LCOR: variants seen among roughly 807,000 people sequenced by gnomAD.
The protein encoded by LCOR is ligand dependent nuclear receptor corepressor, also known as ligand-dependent corepressor.
In LCOR, 14 loss-of-function variants were observed where a neutral mutation model predicts 64.4. The ratio of observed to expected loss-of-function variants is 0.22; its 90% confidence interval spans 0.14 to 0.34. The LOEUF (loss-of-function observed/expected upper bound fraction) is 0.34. LCOR is among the 10% of genes least tolerant of loss of function. The pLI is 1.00. For missense variants in LCOR, 1,686 were observed against 1,765.3 expected (o/e 0.96, Z 0.80); for synonymous variants, 643 against 642.5 (o/e 1.00, Z -0.01).
chr10:96,895,946 G>A (rs115593627), intron 2 of LCOR, among the ~76,000 whole-genome samples: 2 of 152,122 alleles, frequency 1.3e-5, no homozygotes, highest in Non-Finnish European at 2.9e-5. Context: ...ACTAGCTGTT[G>A]TGATGCATGC....
At chr10:96,859,304 G>A (rs753303816) in intron 2 of LCOR, among the ~76,000 whole-genome samples, 10 of 152,156 alleles carry the variant, frequency 6.6e-5, no homozygotes, top group Non-Finnish European at 1.5e-4. Context: ...TAGCGTCCCG[G>A]GTTCAAGCAA....
chr10:96,984,210 T>C lies in LCOR; in HGVS notation c.3750T>C (p.Asn1250=). 1 of 1,614,024 alleles carries C rather than the reference T, an allele frequency of 6.2e-7. No individual in the cohort carries two copies. The highest frequency in any genetic ancestry group is 2.2e-5 in the East Asian group (1 of 44,874). Residue 1250 remains asparagine, a synonymous_variant, in exon 8 of 8, where the codon AAT becomes AAC. Transcript: ENST00000421806. ...TTCCTGGAGCTACCCCTGCTAAGAATAATTGGAAAATGCAGAAGCTCTGGG... is the reference window on the plus strand; with the variant it reads ...TTCCTGGAGCTACCCCTGCTAAGAACAATTGGAAAATGCAGAAGCTCTGGG... ...KKFPGATPAK[N]NWKMQKLWAK...
chr10:96,907,600 AAATT>A (rs1167196665), intron 3 of LCOR, 64 bp from the exon 4 acceptor site: 18 of 625,304 alleles, frequency 2.9e-5, no homozygotes, highest in African/African-American at 1.2e-4. Context: ...AATATTTTTG[AAATT>A]AATTCTAATT....
chr10:96,933,455 G>A (rs943663102), intron 4 of LCOR, among the ~76,000 whole-genome samples: 5 of 152,122 alleles, frequency 3.3e-5, no homozygotes, highest in African/African-American at 4.8e-5. Context: ...AAAGACAAAA[G>A]AACACAAGTC....
chr10:96,881,693 G>A (rs1258504905), intron 2 of LCOR, among the ~76,000 whole-genome samples: 1 of 152,132 alleles, frequency 6.6e-6, no homozygotes, highest in African/African-American at 2.4e-5. Flanking sequence ...CTGTCCTCAG[G>A]TGATCCACCC....
Position 96,877,902 on chromosome 10 carries a change from C to T in LCOR, c.-329-29363C>T, listed in dbSNP as rs185478041. On this transcript the variant is annotated intron_variant, in intron 2 of 7. Transcript: ENST00000421806. The stretch of plus-strand genomic sequence containing the variant: ...TTGGGATTACAGGCGTGAGCCACTG[C>T]GCCCGACCTGAAAATTTATAATAGG... 3.3e-4 allele frequency among the ~76,000 whole-genome samples: 51 copies of T among 152,242 alleles called. No individual in the cohort carries two copies. The East Asian group carries it at 9.7e-3, about 29-fold the overall frequency.
chr10:96,962,595 A>G (rs528241754), intron 7 of LCOR: 1 of 152,260 alleles, frequency 6.6e-6, no homozygotes, highest in South Asian at 2.1e-4. Flanking sequence ...GTCTAATCCT[A>G]TATTACTAGT....
intron 1 of LCOR, chr10:96,833,163 G>T: frequency 1.0e-6 from 1 of 985,476 alleles, no homozygotes. Context: ...GGAGGAGGGG[G>T]TGGGACCGGG....
intron 2 of LCOR, among the ~76,000 whole-genome samples, chr10:96,880,528 G>T (rs1222330117): frequency 6.6e-6 from 1 of 152,162 alleles, no homozygotes; most frequent in Non-Finnish European, 1.5e-5. Flanking sequence ...CTCCTGAGTA[G>T]CTGGGATTAC....
chr10:96,964,104 A>G (rs1847922600), intron 7 of LCOR: 1 of 152,146 alleles, frequency 6.6e-6, no homozygotes, highest in Non-Finnish European at 1.5e-5. Context: ...TAGAGCACTT[A>G]TGATCACAAA....
intron 4 of LCOR, among the ~76,000 whole-genome samples, chr10:96,918,643 TGTAAGAGAACC>T (rs1846996187): frequency 6.6e-6 from 1 of 152,174 alleles, no homozygotes; most frequent in Non-Finnish European, 1.5e-5. Context: ...AAGGCAAGAT[TGTAAGAGAACC>T]AACAAGGTAT....
intron 4 of LCOR, chr10:96,915,664 G>C: frequency 2.4e-6 from 2 of 831,306 alleles, no homozygotes; most frequent in South Asian, 1.3e-5. Flanking sequence ...AGCTTTCTGT[G>C]CCTGGTCTGA....
Position 96,984,768 on chromosome 10 carries a change from G to T in LCOR, c.4308G>T (p.Arg1436Ser). The change falls in exon 8 of 8, where the codon AGG becomes AGT. Residue 1436 changes from arginine to serine, a missense_variant. This residue lies in a region of LCOR where 1,293 missense variants were observed against 1,410.4 expected (regional missense o/e 0.92). Transcript: ENST00000421806. ...CCACCAAAACCCCTGCTGCCAAGAG[G>T]CCAGCTGCAAGGGACAGAAGCAGCC... is the stretch of plus-strand genomic sequence containing the variant. ...DGATKTPAAKRPAARDRSSQP... is the reference protein window; with the variant it reads ...DGATKTPAAKSPAARDRSSQP... 1 of 1,613,758 alleles carries T rather than the reference G, an allele frequency of 6.2e-7. No individual in the cohort carries two copies. The highest frequency in any genetic ancestry group is 8.5e-7 in the Non-Finnish European group (1 of 1,179,956).
chr10:96,896,946 A>G (rs964843307), intron 2 of LCOR, among the ~76,000 whole-genome samples: 2 of 152,074 alleles, frequency 1.3e-5, no homozygotes, highest in African/African-American at 4.8e-5. Context: ...TTTAGTTTTT[A>G]TCTCTGTTCT....
intron 4 of LCOR, among the ~76,000 whole-genome samples, chr10:96,917,445 A>T (rs143771842): frequency 9.4e-4 from 143 of 152,378 alleles, no homozygotes; most frequent in African/African-American, 3.2e-3. Flanking sequence ...GAACATTAAA[A>T]GTAAAATCCC....
rs1007985432 is a variant in LCOR, at chr10:96,920,650, A to ATG, written c.-184+12907_-184+12908dup. Among the ~76,000 whole-genome samples the ATG allele has an allele frequency of 1.8e-4, 25 of 138,748 alleles. 1 individual carries two copies. Among genetic ancestry groups the ATG allele is most frequent in the East Asian group, 1.8e-3 (9 of 5,110 alleles). The allele number at this position is 138,748 out of a possible 152,430, so 91.0% of individuals were successfully genotyped here. The stretch of plus-strand genomic sequence containing the variant: ...TATGTACATTCATATATGTGTATAT[A>ATG]TGTGTATATATGTATATATGTATAT... On this transcript the variant is annotated intron_variant, in intron 4 of 7. Transcript: ENST00000421806.
chr10:96,937,948 A>AT (rs1393625211), intron 4 of LCOR, among the ~76,000 whole-genome samples: 1 of 152,134 alleles, frequency 6.6e-6, no homozygotes, highest in East Asian at 1.9e-4. Context: ...CTATTTATTT[A>AT]TTTATTTATT....
At chr10:96,850,177 C>T (rs896926055) in intron 2 of LCOR, among the ~76,000 whole-genome samples, 1 of 152,228 alleles carries the variant, frequency 6.6e-6, no homozygotes, top group Middle Eastern at 3.4e-3. Flanking sequence ...CTGAAAATGA[C>T]CTTGATTAGA....
chr10:96,852,158 T>A (rs1466739398), intron 2 of LCOR, among the ~76,000 whole-genome samples: 1 of 152,250 alleles, frequency 6.6e-6, no homozygotes, highest in African/African-American at 2.4e-5. Context: ...GGGTCATGCC[T>A]GTAATCCCAG....
Sources: gnomAD v4.1 joint callset for allele counts (sites outside exome capture counted in the v4.1 genomes callset) on GRCh38, gnomAD v4.1.1 for gene constraint, gnomAD v4.1.1 regional missense constraint, MANE v1.5 for transcripts, NCBI Gene and HGNC (gene_info 2026-07-23, HGNC 2026-07-21) for gene names.